PIK3R2: variants seen among roughly 807,000 people sequenced by gnomAD.
The protein encoded by PIK3R2 is phosphatidylinositol 3-kinase regulatory subunit beta.
In PIK3R2, 40 loss-of-function variants were observed where a neutral mutation model predicts 78.5. The ratio of observed to expected loss-of-function variants is 0.51; its 90% CI spans 0.40 to 0.66. The LOEUF (loss-of-function observed/expected upper bound fraction) is 0.66. Among genes scored for constraint, PIK3R2 ranks in the 30% least tolerant of loss-of-function variants. PIK3R2 has a pLI of 0.00. For synonymous variants in PIK3R2, 473 were observed against 457.7 expected (o/e 1.03, Z -0.43); for missense variants, 880 against 1,026.6 (o/e 0.86, Z 1.95).
intron 1 of PIK3R2, among the ~76,000 whole-genome samples, chr19:18,153,648 G>T (rs927428632): frequency 2.0e-5 from 3 of 152,194 alleles, no homozygotes; most frequent in African/African-American, 7.2e-5. Flanking sequence ...AGGGCCGGGG[G>T]TCGAACCCAC....
chr19:18,156,131 C>G lies in PIK3R2; in HGVS notation c.252C>G (p.Ala84=), dbSNP rs2043677315. The change falls in exon 2 of 16, where the codon GCC becomes GCG. Residue 84 remains alanine, a synonymous_variant. Coordinates refer to ENST00000222254, the MANE Select transcript of PIK3R2 (RefSeq NM_005027.4). This position sits in a 1 kb window ranked among gnomAD's most constrained non-coding sequence, Gnocchi z 4.2. The part of the protein sequence containing the change: ...YVEFLGPVAL[A]RPGPRPRGPR... The stretch of plus-strand genomic sequence containing the variant: ...AGTTCCTGGGGCCCGTGGCCCTGGC[C>G]CGGCCCGGCCCTCGCCCACGGGGCC... The G allele has an allele frequency of 6.7e-7, 1 of 1,498,734 alleles. No homozygotes were observed. Among genetic ancestry groups the G allele is most frequent in the South Asian group, 1.3e-5 (1 of 76,202 alleles). The allele number at this position is 1,498,734 out of a possible 1,614,324, so 92.8% of individuals were successfully genotyped here. A position where few individuals can be genotyped will look rare whatever the true frequency, so the allele number is the denominator to read the frequency against.
intron 11 of PIK3R2, among the ~76,000 whole-genome samples, chr19:18,165,784 CTG>C (rs1193996358): frequency 6.6e-6 from 1 of 152,134 alleles, no homozygotes; most frequent in Non-Finnish European, 1.5e-5. Flanking sequence ...CTCAGTTTCT[CTG>C]TTAATAGTTG....
At chr19:18,158,874 C>T (rs1484576751) in intron 2 of PIK3R2, among the ~76,000 whole-genome samples, 1 of 152,106 alleles carries the variant, frequency 6.6e-6, no homozygotes, top group Non-Finnish European at 1.5e-5. Context: ...TGGAGTTTCG[C>T]TCTTGTCGCC....
Position 18,161,854 on chromosome 19 carries a change from C to A in PIK3R2, c.816-112C>A. 1.2e-6 allele frequency: 1 copy of A among 848,900 alleles called. No individual in the cohort carries two copies. Among genetic ancestry groups the A allele is most frequent in the Non-Finnish European group, 2.0e-6 (1 of 511,860 alleles). 52.6% of individuals were successfully genotyped at this position (848,900 alleles called of 1,614,324 possible). ...CTGTATCATCTCCTCCTCCGCCCTG[C>A]ACATACTGTCTCGTATATACCCCCA... On this transcript the variant is annotated intron_variant, in intron 6 of 15. Transcript: ENST00000222254. The surrounding 1 kb of genome is among the most constrained non-coding windows in gnomAD (Gnocchi z 5.3).
Position 18,162,253 on chromosome 19 carries a change from A to C in PIK3R2, c.953A>C (p.Asn318Thr). ...KAKPASTVLA[N>T]GGSPPSLQDA... ...AAGCCGGCCTCCACAGTCCTGGCCA[A>C]TGGAGGGAGCCCACCCTCCCTGCAG... The change falls in exon 8 of 16, where the codon AAT (asparagine) becomes ACT (threonine). Residue 318 changes from asparagine (N) to threonine (T), a missense_variant. Coordinates refer to ENST00000222254, the MANE Select transcript of PIK3R2 (RefSeq NM_005027.4). 6.2e-7 allele frequency: 1 copy of C among 1,611,218 alleles called. No individual in the cohort carries two copies. Among genetic ancestry groups the C allele is most frequent in the Non-Finnish European group, 8.5e-7 (1 of 1,177,780 alleles).
At chr19:18,166,420 T>A in intron 12 of PIK3R2, 118 bp downstream of exon 12, 4 of 841,046 alleles carry the variant, frequency 4.8e-6, no homozygotes, top group Non-Finnish European at 7.5e-6. Flanking sequence ...TCTGTTGAAA[T>A]GGACTTTGGG....
chr19:18,155,319 A>G (rs776385352), intron 1 of PIK3R2, 138 bp from the exon 2 acceptor site: 20 of 308,450 alleles, frequency 6.5e-5, no homozygotes, highest in Non-Finnish European at 5.9e-6. Flanking sequence ...ACAGATAGAG[A>G]AGCTGAGGCC....
chr19:18,168,635 C>T lies in PIK3R2; in HGVS notation c.1808+89C>T, dbSNP rs2043832862. On this transcript the variant is annotated intron_variant, in intron 14 of 15. Transcript: ENST00000222254. This position sits in a 1 kb window ranked among gnomAD's most constrained non-coding sequence, Gnocchi z 4.1. The stretch of plus-strand genomic sequence containing the variant: ...TTTCGAAGAATGAGTAGGAGTTCAC[C>T]AGGGAGGAAAAGTTGTCCAGGCAGC... 1 of 1,122,048 alleles carries T rather than the reference C, an allele frequency of 8.9e-7. No homozygotes were observed. Among genetic ancestry groups the T allele is most frequent in the Non-Finnish European group, 1.4e-6 (1 of 736,894 alleles). 69.5% of individuals were successfully genotyped at this position (1,122,048 alleles called of 1,614,324 possible).
intron 1 of PIK3R2, among the ~76,000 whole-genome samples, chr19:18,154,876 C>G (rs124216): frequency 0.96 from 143,972 of 150,108 alleles, 69,071 homozygotes; most frequent in African/African-American, 0.98. Flanking sequence ...CAGGAGTTTG[C>G]GACCAACCTG....
At chr19:18,157,249 C>T (rs1160502670) in intron 2 of PIK3R2, among the ~76,000 whole-genome samples, 1 of 152,234 alleles carries the variant, frequency 6.6e-6, no homozygotes. Context: ...CTGCGTCCTG[C>T]CTCGGCCTGA....
At chr19:18,159,350 C>T (rs1263817507) in intron 2 of PIK3R2, among the ~76,000 whole-genome samples, 1 of 151,754 alleles carries the variant, frequency 6.6e-6, no homozygotes, top group East Asian at 1.9e-4. Context: ...CAGGGTCGTG[C>T]CCCCTCTGAA....
intron 11 of PIK3R2, among the ~76,000 whole-genome samples, chr19:18,163,664 A>T (rs1489363094): frequency 1.3e-5 from 2 of 152,142 alleles, no homozygotes; most frequent in Non-Finnish European, 1.5e-5. Context: ...CTACAAAAAA[A>T]TTTAAAAATT....
In PIK3R2 at chr19:18,161,432, G is replaced by A; in HGVS notation, c.752G>A (p.Gly251Glu). The A allele has an allele frequency of 8.2e-7, 1 of 1,212,674 alleles. No homozygotes were observed. Among genetic ancestry groups the A allele is most frequent in the East Asian group, 3.5e-5 (1 of 28,562 alleles). 75.1% of individuals were successfully genotyped at this position (1,212,674 alleles called of 1,614,324 possible). Reference sequence around the variant, plus strand: ...GTCCGGGCCCTGGGCGCCACCTTTGGGCCGCTGCTGCTGCGCGCGCCGCCG... The same window carrying A: ...GTCCGGGCCCTGGGCGCCACCTTTGAGCCGCTGCTGCTGCGCGCGCCGCCG... ...PAVRALGATF[G>E]PLLLRAPPPP... Residue 251 changes from glycine to glutamate, a missense_variant, in exon 6 of 16, where the codon GGG becomes GAG. Physicochemically the swap from Gly to Glu is moderately conservative, Grantham distance 98. Coordinates refer to ENST00000222254, the MANE Select transcript of PIK3R2 (RefSeq NM_005027.4). This position sits in a 1 kb window ranked among gnomAD's most constrained non-coding sequence, Gnocchi z 5.3.
chr19:18,160,957 G>A lies in PIK3R2; in HGVS notation c.454G>A (p.Ala152Thr), dbSNP rs772803530. ...SESHYRPELPAPRTDWSLSDV... is the reference protein window; with the variant it reads ...SESHYRPELPTPRTDWSLSDV... ...ATCTCACTACCGCCCGGAGCTGCCC[G>A]CACCGCGTACAGGTGAAGGGGAGCC... Residue 152 changes from alanine (A) to threonine (T), a missense_variant, in exon 4 of 16, where the codon GCA (alanine) becomes ACA (threonine). Physicochemically the swap from Ala to Thr is moderately conservative, Grantham distance 58. Transcript: ENST00000222254. The A allele has an allele frequency of 6.2e-7, 1 of 1,612,290 alleles. No homozygotes were observed. The highest frequency in any genetic ancestry group is 1.1e-5 in the South Asian group (1 of 90,820).
chr19:18,167,408 C>T lies in PIK3R2; in HGVS notation c.1736+102C>T. On this transcript the variant is annotated intron_variant, in intron 13 of 15. Transcript: ENST00000222254. This position sits in a 1 kb window ranked among gnomAD's most constrained non-coding sequence, Gnocchi z 4.5. Reference sequence around the variant, plus strand: ...GTCTCTCTCTCTCCACCAAGTGGCCCTTCCTGGGCCCCGAGACCCCTTAAA... The same window carrying T: ...GTCTCTCTCTCTCCACCAAGTGGCCTTTCCTGGGCCCCGAGACCCCTTAAA... 9.5e-7 allele frequency: 1 copy of T among 1,054,270 alleles called. No individual in the cohort carries two copies. The highest frequency in any genetic ancestry group is 1.3e-6 in the Non-Finnish European group (1 of 764,860). The allele number at this position is 1,054,270 out of a possible 1,614,324, so 65.3% of individuals were successfully genotyped here. A position where few individuals can be genotyped will look rare whatever the true frequency, so the allele number is the denominator to read the frequency against.
chr19:18,169,008 G>T, intron 15 of PIK3R2, 79 bp from the exon 16 acceptor site: 1 of 1,556,254 alleles, frequency 6.4e-7, no homozygotes, highest in Non-Finnish European at 8.8e-7. Flanking sequence ...TCCGGGACAG[G>T]GGAGCACGCG....
At chr19:18,158,698 A>G (rs1370061117) in intron 2 of PIK3R2, among the ~76,000 whole-genome samples, 1 of 152,212 alleles carries the variant, frequency 6.6e-6, no homozygotes, top group African/African-American at 2.4e-5. Context: ...CAGAGAGGGC[A>G]GGTCCTGTGG....
chr19:18,166,285 C>A lies in PIK3R2; in HGVS notation c.1542C>A (p.Asn514Lys). 1 of 1,614,070 alleles carries A rather than the reference C, an allele frequency of 6.2e-7. No individual in the cohort carries two copies. Among genetic ancestry groups the A allele is most frequent in the Non-Finnish European group, 8.5e-7 (1 of 1,179,980 alleles). Residue 514 changes from asparagine to lysine, a missense_variant, in exon 12 of 16, where the codon AAC becomes AAA. Physicochemically the swap from Asn to Lys is moderately conservative, Grantham distance 94. Around this residue, in one of 3 missense-constraint regions of PIK3R2, gnomAD observed 268 missense variants for 299.1 expected, o/e 0.90. Transcript: ENST00000222254. ...EYLERFRREG[N>K]EKEMQRILLN... The stretch of plus-strand genomic sequence containing the variant: ...TGGAGCGCTTCCGGCGTGAGGGCAA[C>A]GAGAAAGAGATGCAAAGGTGAGTCT...
rs777290987 is a variant in PIK3R2, at chr19:18,163,286, C to T, written c.1314C>T (p.Ser438=). The T allele has an allele frequency of 2.5e-6, 4 of 1,613,906 alleles. No individual in the cohort carries two copies. Among genetic ancestry groups the T allele is most frequent in the Non-Finnish European group, 3.4e-6 (4 of 1,180,008 alleles). The change falls in exon 11 of 16, where the codon AGC becomes AGT. Residue 438 remains serine (S), a synonymous_variant. Coordinates refer to ENST00000222254, the MANE Select transcript of PIK3R2 (RefSeq NM_005027.4). The part of the protein sequence containing the change: ...YQQDQIVKED[S]VEAVGAQLKV... ...AGGACCAGATTGTCAAGGAGGACAG[C>T]GTGGAGGCAGTGGGCGCCCAGCTTA...
Sources: allele counts gnomAD v4.1 joint callset (sites outside exome capture counted in the v4.1 genomes callset), GRCh38; gene constraint gnomAD v4.1.1; regional missense constraint gnomAD v4.1.1; non-coding constraint Gnocchi (gnomAD v3.1); transcripts MANE v1.5; gene names NCBI Gene and HGNC (gene_info 2026-07-23, HGNC 2026-07-21).